UBP1: variants seen among roughly 807,000 people sequenced by gnomAD.
UBP1 encodes the protein upstream binding protein 1.
A neutral mutation model predicts 76.1 loss-of-function variants in UBP1; 22 were observed. That is an observed-to-expected ratio of 0.29 (90% CI 0.21 to 0.41). The LOEUF is 0.41. Ranked by LOEUF, UBP1 falls within the 10% of genes least tolerant of loss-of-function variation. The probability of loss-of-function intolerance (pLI) is 1.00; values close to 1 mark genes in which losing one functional copy is unlikely to be tolerated. For synonymous variants in UBP1, 224 were observed against 237.1 expected (o/e 0.94, Z 0.51); for missense variants, 436 against 668.1 (o/e 0.65, Z 3.83).
chr3:33,439,455 A>G (rs2154060465), intron 1 of UBP1, among the ~76,000 whole-genome samples: 1 of 152,314 alleles, frequency 6.6e-6, no homozygotes, highest in African/African-American at 2.4e-5. Flanking sequence ...CACCAACCCA[A>G]GCCATCCTAA....
intron 10 of UBP1, 100 bp from the exon 11 acceptor site, chr3:33,400,382 C>G (rs1210666254): frequency 1.2e-6 from 1 of 841,398 alleles, no homozygotes; most frequent in Non-Finnish European, 1.8e-6. Context: ...AAAAAACACC[C>G]AAAAAGAGCA....
rs61119304 is a variant in UBP1, at chr3:33,426,039, A to ATATATATATATATG, written c.114-299_114-298insCATATATATATATA. On this transcript the variant is annotated intron_variant, in intron 1 of 15. Coordinates refer to ENST00000283629, the MANE Select transcript of UBP1 (RefSeq NM_014517.5). ...TATATATATATATATATATATATAT[A>ATATATATATATATG]GCACTTTAAAAACTTCTTTTAAAAC... is the stretch of plus-strand genomic sequence containing the variant. 1.4e-3 allele frequency among the ~76,000 whole-genome samples: 116 copies of ATATATATATATATG among 82,846 alleles called. 5 individuals carry two copies. The highest frequency in any genetic ancestry group is 6.9e-3 in the East Asian group (7 of 1,010). 54.4% of individuals were successfully genotyped at this position (82,846 alleles called of 152,430 possible).
intron 14 of UBP1, chr3:33,392,881 A>T: frequency 2.5e-6 from 1 of 392,958 alleles, no homozygotes; most frequent in Admixed American, 4.4e-5. Flanking sequence ...CCAGTGGATG[A>T]TGACTCGAAC....
intron 2 of UBP1, among the ~76,000 whole-genome samples, chr3:33,419,235 C>T (rs2044818200): frequency 1.3e-5 from 2 of 152,068 alleles, no homozygotes; most frequent in Non-Finnish European, 2.9e-5. Flanking sequence ...TGGCTCACAC[C>T]TGTAATCCTA....
intron 2 of UBP1, 42 bp from the exon 3 acceptor site, chr3:33,416,876 A>G: frequency 6.7e-7 from 1 of 1,485,354 alleles, no homozygotes. Flanking sequence ...CCTTATAAAG[A>G]ACATCACTTT....
In UBP1 at chr3:33,402,790, A is replaced by G. The variant is rs150554982; in HGVS notation, c.1031+11T>C. ...GTTAGCTGCAGGCACACGATCACAC[A>G]AACTAGATACCTGTCTGGGACACTG... On this transcript the variant is annotated intron_variant, in intron 9 of 15. Coordinates refer to ENST00000283629, the MANE Select transcript of UBP1 (RefSeq NM_014517.5). 63 of 1,537,970 alleles carry G rather than the reference A, an allele frequency of 4.1e-5. No homozygotes were observed. In the South Asian group the frequency reaches 7.8e-4, roughly 19 times the overall value.
chr3:33,410,062 C>T (rs2044529712), intron 5 of UBP1, among the ~76,000 whole-genome samples: 1 of 152,200 alleles, frequency 6.6e-6, no homozygotes, highest in Admixed American at 6.5e-5. Flanking sequence ...GCTGTTCCTA[C>T]AGATGCCAAT....
chr3:33,428,660 T>C (rs2045061356), intron 1 of UBP1, among the ~76,000 whole-genome samples: 1 of 152,164 alleles, frequency 6.6e-6, no homozygotes, highest in African/African-American at 2.4e-5. Context: ...GAATTTCCAA[T>C]TAATTTTTTA....
intron 2 of UBP1, among the ~76,000 whole-genome samples, chr3:33,421,430 G>T (rs2044890086): frequency 6.6e-6 from 1 of 152,088 alleles, no homozygotes; most frequent in African/African-American, 2.4e-5. Flanking sequence ...GCGCCACCAT[G>T]CTCAGCTACT....
intron 2 of UBP1, among the ~76,000 whole-genome samples, chr3:33,420,986 G>T (rs2044875738): frequency 6.6e-6 from 1 of 152,200 alleles, no homozygotes; most frequent in Non-Finnish European, 1.5e-5. Flanking sequence ...CTAACAAGGA[G>T]AAATTCTTTT....
At chr3:33,427,520 T>C (rs922337080) in intron 1 of UBP1, among the ~76,000 whole-genome samples, 1 of 152,198 alleles carries the variant, frequency 6.6e-6, no homozygotes, top group African/African-American at 2.4e-5. Flanking sequence ...GCTTATTTTC[T>C]CTTTTTTTCC....
At chr3:33,433,629 G>C (rs1466659771) in intron 1 of UBP1, among the ~76,000 whole-genome samples, 2 of 151,774 alleles carry the variant, frequency 1.3e-5, no homozygotes, top group Non-Finnish European at 2.9e-5. Flanking sequence ...CTCCAGCCTG[G>C]GTAACAGAAC....
rs554950409 is a variant in UBP1 at position 33,406,813 on chromosome 3, A to G, written c.927+1877T>C. Among the ~76,000 whole-genome samples, 32 of 152,312 alleles carry G rather than the reference A, an allele frequency of 2.1e-4. 1 individual carries two copies. Among genetic ancestry groups the G allele is most frequent in the Middle Eastern group, 3.4e-3 (1 of 294 alleles). On this transcript the variant is annotated intron_variant, in intron 8 of 15. Coordinates refer to ENST00000283629, the MANE Select transcript of UBP1 (RefSeq NM_014517.5). ...AATGATCACCCATTTTAGGCTGTAG[A>G]AATTGGCAGTCATCATTTGAGCCAA...
At chr3:33,410,097 T>A (rs1055586785) in intron 5 of UBP1, among the ~76,000 whole-genome samples, 2 of 152,166 alleles carry the variant, frequency 1.3e-5, no homozygotes, top group Non-Finnish European at 2.9e-5. Flanking sequence ...CTGGGGAAAT[T>A]TTACAGTCCA....
chr3:33,396,170 G>T lies in UBP1; in HGVS notation c.1382C>A (p.Ala461Glu). ...ASSASENGSGAPYVYHAIYLE... is the reference protein window; with the variant it reads ...ASSASENGSGEPYVYHAIYLE... ...ATGCCCTCAATACCTACCATAGGGTGCCCCACTGCCATTCTCGCTTGCACT... is the reference window on the plus strand; with the variant it reads ...ATGCCCTCAATACCTACCATAGGGTTCCCCACTGCCATTCTCGCTTGCACT... Residue 461 changes from alanine to glutamate, a missense_variant, in exon 13 of 16, where the codon GCA becomes GAA. Physicochemically the swap from Ala to Glu is moderately radical, Grantham distance 107 (BLOSUM62 -1). This residue lies in a region of UBP1 where 210 missense variants were observed against 272.8 expected (regional missense o/e 0.77). Transcript: ENST00000283629. 2 of 1,579,068 alleles carry T rather than the reference G, an allele frequency of 1.3e-6. No homozygotes were observed. The highest frequency in any genetic ancestry group is 1.7e-6 in the Non-Finnish European group (2 of 1,152,590).
chr3:33,399,893 A>T (rs2044156670), intron 11 of UBP1, among the ~76,000 whole-genome samples: 1 of 152,250 alleles, frequency 6.6e-6, no homozygotes, highest in South Asian at 2.1e-4. Flanking sequence ...TTATTTCAAA[A>T]TAAAGTTAAA....
rs1009430232 is a variant in UBP1 at position 33,389,004 on chromosome 3, G to T, written c.*1327C>A. 2.2e-4 allele frequency: 33 copies of T among 152,042 alleles called. No homozygotes were observed. Among genetic ancestry groups the T allele is most frequent in the African/African-American group, 7.7e-4 (32 of 41,362 alleles). 9.4% of individuals were successfully genotyped at this position (152,042 alleles called of 1,614,324 possible). On this transcript the variant is annotated 3_prime_UTR_variant, in exon 16 of 16. Coordinates refer to ENST00000283629, the MANE Select transcript of UBP1 (RefSeq NM_014517.5). The stretch of plus-strand genomic sequence containing the variant: ...ATCCTACAATTAAAATGGAATAGAA[G>T]TTAAAAAAAAAATTCAGTCCCCTAC...
At chr3:33,402,071 T>A (rs1487314083) in intron 9 of UBP1, among the ~76,000 whole-genome samples, 1 of 152,210 alleles carries the variant, frequency 6.6e-6, no homozygotes, top group Non-Finnish European at 1.5e-5. Flanking sequence ...GAGAACCTTT[T>A]TCTTTGTGAT....
intron 8 of UBP1, among the ~76,000 whole-genome samples, chr3:33,405,953 C>T (rs2044408064): frequency 6.6e-6 from 1 of 152,026 alleles, no homozygotes; most frequent in Non-Finnish European, 1.5e-5. Context: ...AATTATGTAT[C>T]TCCTTAAAAA....
Sources: gnomAD v4.1 joint callset for allele counts (sites outside exome capture counted in the v4.1 genomes callset) on GRCh38, gnomAD v4.1.1 for gene constraint, gnomAD v4.1.1 regional missense constraint, MANE v1.5 for transcripts, NCBI Gene and HGNC (gene_info 2026-07-23, HGNC 2026-07-21) for gene names.